The following TRPA1 variants were observed in gnomAD, a reference collection of about 807,000 sequenced individuals.
TRPA1 encodes the protein transient receptor potential cation channel subfamily A member 1.
In TRPA1, 129 loss-of-function variants were observed where a neutral mutation model predicts 131.3. The ratio of observed to expected loss-of-function variants is 0.98; its 90% confidence interval spans 0.85 to 1.14. TRPA1 has a LOEUF of 1.14. TRPA1 is among the 50% of genes most tolerant of loss of function. TRPA1 has a pLI of 0.00. For missense variants in TRPA1, 1,304 were observed against 1,354.2 expected, an observed-to-expected ratio of 0.96 and a Z score of 0.58; for synonymous variants, 441 against 451.7, an observed-to-expected ratio of 0.98 and a Z score of 0.30.
chr8:72,059,239 T>A (rs964954336), intron 8 of TRPA1, 151 bp downstream of exon 8: 13 of 609,936 alleles, frequency 2.1e-5, no homozygotes, highest in African/African-American at 5.6e-5. Context: ...TATACTCTGC[T>A]TCCAAGTATG....
At chr8:72,081,962 CATT>C in the TRPA1 span, among the ~76,000 whole-genome samples, 1 of 151,950 alleles carries the variant, frequency 6.6e-6, no homozygotes, top group Non-Finnish European at 1.5e-5. Context: ...AATATTTACT[CATT>C]ATATCATTGA....
chr8:72,036,441 A>G lies in TRPA1; in HGVS notation c.2402T>C (p.Met801Thr). 6.2e-7 allele frequency: 1 copy of G among 1,613,922 alleles called. No homozygotes were observed. Among genetic ancestry groups the G allele is most frequent in the Non-Finnish European group, 8.5e-7 (1 of 1,179,844 alleles). ...QIFQQKRNYF[M>T]DISNVLEWII... ...CCATTCAAGAACATTGCTTATATCCATAAAATAATTCCTTTTCTGGGATAG... is the reference window on the plus strand; with the variant it reads ...CCATTCAAGAACATTGCTTATATCCGTAAAATAATTCCTTTTCTGGGATAG... Residue 801 changes from methionine to threonine, a missense_variant, in exon 21 of 27, where the codon ATG becomes ACG. By Grantham distance (81) the Met-to-Thr change is moderately conservative. Transcript: ENST00000262209.
intron 14 of TRPA1, among the ~76,000 whole-genome samples, chr8:72,051,178 G>A (rs1386132745): frequency 6.6e-6 from 1 of 152,138 alleles, no homozygotes; most frequent in African/African-American, 2.4e-5. Context: ...TTCTCCTGAA[G>A]TTATGAAATG....
intron 22 of TRPA1, 150 bp downstream of exon 22, chr8:72,034,098 G>A (rs1401447376): frequency 1.9e-5 from 18 of 965,358 alleles, no homozygotes; most frequent in South Asian, 8.6e-5. Flanking sequence ...TGCAATAAAC[G>A]TCATTTGAAA....
In TRPA1 at chr8:72,061,758, C is replaced by T. The variant is rs1334332066; in HGVS notation, c.811G>A (p.Gly271Arg). The T allele has an allele frequency of 6.2e-7, 1 of 1,613,808 alleles. No individual in the cohort carries two copies. Among genetic ancestry groups the T allele is most frequent in the Non-Finnish European group, 8.5e-7 (1 of 1,179,854 alleles). The change falls in exon 7 of 27, where the codon GGA becomes AGA. Residue 271 changes from glycine (G) to arginine (R), a missense_variant. Physicochemically the swap from Gly to Arg is moderately radical, Grantham distance 125. Transcript: ENST00000262209. ...GCAAAATGAATGGCTGTGCACCTTC[C>T]CTTCTGTAAAGGGTTTTAATGCTAG... ...NGAQIDPVEK[G>R]RCTAIHFAAT...
intron 12 of TRPA1, chr8:72,054,095 TAAAATATGAAAGTATATAA>T (rs1182183789): frequency 5.5e-6 from 3 of 546,448 alleles, no homozygotes; most frequent in Non-Finnish European, 9.8e-6. Flanking sequence ...CTTAGTGGTT[TAAAATATGAAAGTATATAA>T]ACACATTACC....
At chr8:72,056,249 G>T in intron 10 of TRPA1, 1 of 244,142 alleles carries the variant, frequency 4.1e-6, no homozygotes, top group South Asian at 6.0e-5. Flanking sequence ...TAGGTAAAAT[G>T]GATGGGATGT....
chr8:72,080,634 AT>A, the TRPA1 span, among the ~76,000 whole-genome samples: 1 of 150,520 alleles, frequency 6.6e-6, no homozygotes, highest in Admixed American at 6.6e-5. Flanking sequence ...AGTAGTTTGT[AT>A]AATATTGGTA....
the TRPA1 span, among the ~76,000 whole-genome samples, chr8:72,086,137 G>A: frequency 2.0e-5 from 3 of 152,142 alleles, no homozygotes; most frequent in African/African-American, 4.8e-5. Context: ...TCCTGATCTC[G>A]TGATCCACCC....
Position 72,052,694 on chromosome 8 carries a change from A to G in TRPA1, c.1716T>C (p.Ala572=), listed in dbSNP as rs376894578. 10 of 1,613,900 alleles carry G rather than the reference A, an allele frequency of 6.2e-6. 1 individual carries two copies. The highest frequency in any genetic ancestry group is 4.0e-5 in the African/African-American group (3 of 75,012). ...CCTGCTGCTTGTTCAGGACTATGTC[A>G]GCATTGTGGCTCAGAAGAAGCGCAA... ...KAVALLLSHN[A]DIVLNKQQAS... is the part of the protein sequence containing the mutation. Residue 572 remains alanine, a synonymous_variant, in exon 14 of 27, where the codon GCT becomes GCC. Transcript: ENST00000262209.
intron 10 of TRPA1, chr8:72,056,307 G>T (rs1025957714): frequency 5.7e-6 from 1 of 176,374 alleles, no homozygotes; most frequent in South Asian, 1.3e-4. Flanking sequence ...AATAAAAAAT[G>T]AATGATAAAT....
At chr8:72,043,961 C>A (rs1184411495) in intron 17 of TRPA1, among the ~76,000 whole-genome samples, 2 of 151,586 alleles carry the variant, frequency 1.3e-5, no homozygotes. Context: ...TAACAAGAAC[C>A]ACAATAATTC....
At chr8:72,043,234 A>G (rs892948606) in intron 17 of TRPA1, among the ~76,000 whole-genome samples, 1 of 151,826 alleles carries the variant, frequency 6.6e-6, no homozygotes, top group Non-Finnish European at 1.5e-5. Context: ...ATCCTTTTCT[A>G]TATTTCTACA....
chr8:72,025,105 C>CGTGT (rs71265963), intron 25 of TRPA1, among the ~76,000 whole-genome samples: 115 of 120,218 alleles, frequency 9.6e-4, no homozygotes, highest in East Asian at 2.4e-3. Context: ...TGTGTGTGTT[C>CGTGT]GTGTGTGTGT....
intron 15 of TRPA1, among the ~76,000 whole-genome samples, chr8:72,047,631 A>G (rs921708318): frequency 7.2e-5 from 11 of 152,152 alleles, no homozygotes; most frequent in African/African-American, 2.7e-4. Context: ...TTCCATAAGT[A>G]GAAAATTCCA....
the TRPA1 span, among the ~76,000 whole-genome samples, chr8:72,084,945 G>A: frequency 2.6e-5 from 4 of 151,810 alleles, no homozygotes; most frequent in Non-Finnish European, 5.9e-5. Flanking sequence ...CTCAGCACCC[G>A]GCCAGTGATA....
intron 6 of TRPA1, chr8:72,062,245 C>A (rs1805826511): frequency 5.5e-6 from 1 of 181,264 alleles, no homozygotes; most frequent in Non-Finnish European, 1.2e-5. Context: ...ATCTTCTCTT[C>A]CTACAGAAAA....
In TRPA1 at chr8:72,023,795, T is replaced by C. The variant is rs1171873959; in HGVS notation, c.3149+19A>G. 7.3e-7 allele frequency: 1 copy of C among 1,371,774 alleles called. No individual in the cohort carries two copies. Among genetic ancestry groups the C allele is most frequent in the Non-Finnish European group, 1.0e-6 (1 of 960,392 alleles). The allele number at this position is 1,371,774 out of a possible 1,614,324, so 85.0% of individuals were successfully genotyped here. A position where few individuals can be genotyped will look rare whatever the true frequency, so the allele number is the denominator to read the frequency against. On this transcript the variant is annotated intron_variant, in intron 26 of 26. Transcript: ENST00000262209. Reference sequence around the variant, plus strand: ...GAGTTTTAAATTTCTCAAGTACAGATAGAAGGAAAAATACATACCGGTATT... The same window carrying C: ...GAGTTTTAAATTTCTCAAGTACAGACAGAAGGAAAAATACATACCGGTATT...
chr8:72,083,708 A>C, the TRPA1 span, among the ~76,000 whole-genome samples: 1 of 152,262 alleles, frequency 6.6e-6, no homozygotes, highest in Non-Finnish European at 1.5e-5. Context: ...ACACCACTGC[A>C]CTCCAGCAGG....
Sources: allele counts gnomAD v4.1 joint callset (sites outside exome capture counted in the v4.1 genomes callset), GRCh38; gene constraint gnomAD v4.1.1; transcripts MANE v1.5; gene names NCBI Gene and HGNC (gene_info 2026-07-23, HGNC 2026-07-21).